The following SERINC2 variants were observed in gnomAD, a reference collection of about 807,000 sequenced individuals.
SERINC2 encodes the protein tumor differentially expressed protein 2.
Under a neutral mutation model 54.2 loss-of-function variants are expected in SERINC2, and 56 were observed. The observed-to-expected ratio is 1.03, with a 90% CI of 0.83 to 1.29. The LOEUF is 1.29. SERINC2 is among the 50% of genes most tolerant of loss of function. The pLI is 0.00. For missense variants in SERINC2, 614 were observed against 607.4 expected (o/e 1.01, Z -0.12); for synonymous variants, 272 against 253.1 (o/e 1.07, Z -0.71).
intron 8 of SERINC2, among the ~76,000 whole-genome samples, chr1:31,432,119 T>G (rs137930944): frequency 2.1e-4 from 2 of 9,734 alleles, no homozygotes; most frequent in African/African-American, 5.3e-4. Context: ...GATAGGGTGG[T>G]TAGGGTGGAT....
At position 31,432,137 on chromosome 1, in the gene SERINC2, A is replaced by ATAGGATGGT. The variant is rs1641296020; in HGVS notation, c.1014-830_1014-829insTAGGATGGT. ...AGGGTGGTTAGGGTGGATAGGGTGGACAGGGTGGACAGGGTGGACAGGGTG... is the reference window on the plus strand; with the variant it reads ...AGGGTGGTTAGGGTGGATAGGGTGGATAGGATGGTCAGGGTGGACAGGGTGGACAGGGTG... On this transcript the variant is annotated intron_variant, in intron 8 of 9. Transcript: ENST00000373709. Among the ~76,000 whole-genome samples, 2 of 110,102 alleles carry ATAGGATGGT rather than the reference A, an allele frequency of 1.8e-5. 1 individual carries two copies. The highest frequency in any genetic ancestry group is 6.6e-4 in the South Asian group (2 of 3,012). 72.2% of individuals were successfully genotyped at this position (110,102 alleles called of 152,430 possible). A position where few individuals can be genotyped will look rare whatever the true frequency, so the allele number is the denominator to read the frequency against.
chr1:31,426,470 G>A (rs1641043789), intron 5 of SERINC2, among the ~76,000 whole-genome samples, 184 bp from the exon 6 acceptor site: 1 of 152,140 alleles, frequency 6.6e-6, no homozygotes, highest in Admixed American at 6.5e-5. Flanking sequence ...AGTGAATCAT[G>A]TTAGCTCAGG....
At chr1:31,410,318 C>T, upstream of SERINC2, 1 of 1,542,076 alleles carries the variant, frequency 6.5e-7, no homozygotes, top group Non-Finnish European at 8.7e-7. Flanking sequence ...TTATCCATGT[C>T]CTCACTTCAT....
intron 5 of SERINC2, 168 bp downstream of exon 5, chr1:31,426,081 G>C: frequency 1.4e-6 from 1 of 701,444 alleles, no homozygotes. Context: ...GGCACCAGCT[G>C]ATCCTGGGAT....
intron 6 of SERINC2, 86 bp downstream of exon 6, chr1:31,426,909 G>A: frequency 7.7e-7 from 1 of 1,298,486 alleles, no homozygotes. Flanking sequence ...TGGGGCTAGG[G>A]CTGTCATCAC....
intron 8 of SERINC2, among the ~76,000 whole-genome samples, chr1:31,432,408 T>G (rs1570071820): frequency 1.3e-5 from 2 of 152,094 alleles, no homozygotes; most frequent in Non-Finnish European, 2.9e-5. Context: ...AAGCATGACA[T>G]ACAATCATTA....
intron 1 of SERINC2, among the ~76,000 whole-genome samples, chr1:31,416,101 CTG>C (rs1200149986): frequency 2.6e-5 from 4 of 152,210 alleles, no homozygotes; most frequent in Non-Finnish European, 5.9e-5. Context: ...ATCTCTGTGA[CTG>C]TGGGCAGTCA....
chr1:31,431,023 C>A (rs1641181228), intron 8 of SERINC2, among the ~76,000 whole-genome samples: 1 of 152,210 alleles, frequency 6.6e-6, no homozygotes, highest in Non-Finnish European at 1.5e-5. Flanking sequence ...AGTTCATAAA[C>A]ATCTGTCTTC....
Position 31,434,313 on chromosome 1 carries a change from G to T in SERINC2, c.*114G>T. The T allele has an allele frequency of 8.7e-7, 1 of 1,143,360 alleles. No individual in the cohort carries two copies. The highest frequency in any genetic ancestry group is 1.3e-6 in the Non-Finnish European group (1 of 799,602). 70.8% of individuals were successfully genotyped at this position (1,143,360 alleles called of 1,614,324 possible). Reference sequence around the variant, plus strand: ...TCAGCCAGGCTGAGCCCCCACCCCTGCCCCAGCTCCAGGACCTGCCCCTGA... The same window carrying T: ...TCAGCCAGGCTGAGCCCCCACCCCTTCCCCAGCTCCAGGACCTGCCCCTGA... On this transcript the variant is annotated 3_prime_UTR_variant, in exon 10 of 10. Coordinates refer to ENST00000373709, the MANE Select transcript of SERINC2 (RefSeq NM_178865.5).
At chr1:31,431,648 G>C (rs1003259703) in intron 8 of SERINC2, among the ~76,000 whole-genome samples, 2 of 152,090 alleles carry the variant, frequency 1.3e-5, no homozygotes, top group African/African-American at 2.4e-5. Flanking sequence ...TCTTAGCATG[G>C]TTCTTACAGC....
chr1:31,433,233 G>C, intron 9 of SERINC2, 48 bp downstream of exon 9: 1 of 1,486,150 alleles, frequency 6.7e-7, no homozygotes, highest in Non-Finnish European at 9.4e-7. Flanking sequence ...GCAGGGTGCA[G>C]GTCCACACAT....
intron 4 of SERINC2, 35 bp from the exon 5 acceptor site, chr1:31,425,741 G>A: frequency 1.9e-6 from 3 of 1,604,678 alleles, no homozygotes; most frequent in South Asian, 2.2e-5. Flanking sequence ...GTGAGAGAGG[G>A]ACCCTCCTCG....
chr1:31,410,199 C>T, upstream of SERINC2: 1 of 1,439,502 alleles, frequency 6.9e-7, no homozygotes, highest in African/African-American at 1.4e-5. Context: ...CTGACTGTGA[C>T]TGTGCTTTTG....
In SERINC2 at chr1:31,413,911, G is replaced by C. The variant is rs1553131832; in HGVS notation, c.39+607G>C. On this transcript the variant is annotated intron_variant, in intron 1 of 9. Coordinates refer to ENST00000373709, the MANE Select transcript of SERINC2 (RefSeq NM_178865.5). This position sits in a 1 kb window ranked among gnomAD's most constrained non-coding sequence, Gnocchi z 5.0. ...TGCCCGTCCGCCCGTCCGTCCCTCA[G>C]TCTCTCTGCGGTCCCTTTACCGTCC... The C allele has an allele frequency of 1.4e-6, 2 of 1,472,856 alleles. No homozygotes were observed. Among genetic ancestry groups the C allele is most frequent in the Non-Finnish European group, 8.9e-7 (1 of 1,119,856 alleles). The allele number at this position is 1,472,856 out of a possible 1,614,324, so 91.2% of individuals were successfully genotyped here.
intron 5 of SERINC2, among the ~76,000 whole-genome samples, 155 bp from the exon 6 acceptor site, chr1:31,426,499 A>G (rs1641045107): frequency 6.6e-6 from 1 of 152,150 alleles, no homozygotes; most frequent in Non-Finnish European, 1.5e-5. Flanking sequence ...ATGACTCACA[A>G]AGGTGTTGGT....
At chr1:31,413,184 G>GGATCCC (rs1640685732), upstream of SERINC2, 1 of 1,014,054 alleles carries the variant, frequency 9.9e-7, no homozygotes, top group African/African-American at 1.8e-5. This position sits in a 1 kb window ranked among gnomAD's most constrained non-coding sequence, Gnocchi z 5.0. Context: ...CCGGGGCCGG[G>GGATCCC]GAGGGGCCAG....
chr1:31,427,339 G>A (rs1032516599), intron 6 of SERINC2, among the ~76,000 whole-genome samples: 5 of 152,128 alleles, frequency 3.3e-5, no homozygotes, highest in Non-Finnish European at 5.9e-5. Flanking sequence ...AGAAAGTACC[G>A]CTGGAGCCCC....
At position 31,413,522 on chromosome 1, in the gene SERINC2, G is replaced by A. The variant is rs1640697586; in HGVS notation, c.39+218G>A. On this transcript the variant is annotated intron_variant, in intron 1 of 9. Transcript: ENST00000373709. The surrounding 1 kb of genome is among the most constrained non-coding windows in gnomAD (Gnocchi z 5.0). ...CTCAGTCCTGGCCGGCAGGCGCCGGGCAGCTGCGGTCCCGGCTCGGGTTTC... is the reference window on the plus strand; with the variant it reads ...CTCAGTCCTGGCCGGCAGGCGCCGGACAGCTGCGGTCCCGGCTCGGGTTTC... 6.6e-6 allele frequency among the ~76,000 whole-genome samples: 1 copy of A among 152,066 alleles called. No homozygotes were observed. The highest frequency in any genetic ancestry group is 6.5e-5 in the Admixed American group (1 of 15,286).
intron 8 of SERINC2, among the ~76,000 whole-genome samples, chr1:31,431,952 G>A (rs1553134611): frequency 6.9e-6 from 1 of 144,684 alleles, no homozygotes; most frequent in Admixed American, 7.0e-5. Context: ...GGGTGGTTAG[G>A]GTGGTTAGGG....
Sources: allele counts gnomAD v4.1 joint callset (sites outside exome capture counted in the v4.1 genomes callset), GRCh38; gene constraint gnomAD v4.1.1; non-coding constraint Gnocchi (gnomAD v3.1); transcripts MANE v1.5; gene names NCBI Gene and HGNC (gene_info 2026-07-23, HGNC 2026-07-21).